Variants in MAN1A1 observed in about 807,000 individuals in gnomAD.
MAN1A1 encodes the protein mannosidase alpha class 1A member 1.
A neutral mutation model predicts 70.8 loss-of-function variants in MAN1A1; 29 were observed. The ratio of observed to expected loss-of-function variants is 0.41; its 90% confidence interval spans 0.31 to 0.56. The LOEUF (loss-of-function observed/expected upper bound fraction) is 0.56, where lower values mean the gene tolerates loss of function less well. Ranked by LOEUF, MAN1A1 falls within the 20% of genes least tolerant of loss-of-function variation. MAN1A1 has a pLI of 0.29. For missense variants in MAN1A1, 747 were observed against 841.3 expected, an observed-to-expected ratio of 0.89 and a Z score of 1.39; for synonymous variants, 349 against 330.1, an observed-to-expected ratio of 1.06 and a Z score of -0.62.
intron 5 of MAN1A1, among the ~76,000 whole-genome samples, chr6:119,274,847 A>G (rs1776012240): frequency 6.6e-6 from 1 of 152,222 alleles, no homozygotes; most frequent in Non-Finnish European, 1.5e-5. Context: ...TATTGATGAA[A>G]AGAGTCAGAG....
Position 119,191,132 on chromosome 6 carries a change from T to C in MAN1A1, c.1327-1249A>G, listed in dbSNP as rs116885160. ...ATAAATGAACATATTACTGTGCTCA[T>C]TAACCGTGGTTAAGCTAATGTTATT... On this transcript the variant is annotated intron_variant, in intron 9 of 12. Coordinates refer to ENST00000368468, the MANE Select transcript of MAN1A1 (RefSeq NM_005907.4). 7.4e-3 allele frequency among the ~76,000 whole-genome samples: 1,128 copies of C among 152,364 alleles called. 9 individuals carry two copies. Among genetic ancestry groups the C allele is most frequent in the Middle Eastern group, 0.027 (8 of 294 alleles).
At chr6:119,252,872 T>A (rs768060243) in intron 5 of MAN1A1, among the ~76,000 whole-genome samples, 3 of 151,974 alleles carry the variant, frequency 2.0e-5, no homozygotes, top group Non-Finnish European at 4.4e-5. Context: ...CCATGGGAAG[T>A]TGGTAATGAC....
chr6:119,296,129 TCA>T lies in MAN1A1; in HGVS notation c.817-5368_817-5367del, dbSNP rs1295929994. On this transcript the variant is annotated intron_variant, in intron 4 of 12. Transcript: ENST00000368468. ...CTTTAAACGATTAAATTGCAATATT[TCA>T]CAGTGTAAGTCAGTCTGTCACAGTG... Among the ~76,000 whole-genome samples, 16 of 152,336 alleles carry T rather than the reference TCA, an allele frequency of 1.1e-4. No homozygotes were observed. In the East Asian group the frequency reaches 1.9e-3, roughly 18 times the overall value.
intron 2 of MAN1A1, among the ~76,000 whole-genome samples, chr6:119,319,375 A>C (rs1198194783): frequency 6.7e-5 from 10 of 148,292 alleles, no homozygotes; most frequent in Non-Finnish European, 1.2e-4. Flanking sequence ...TAATAATAAT[A>C]ATAATAATAA....
intron 2 of MAN1A1, among the ~76,000 whole-genome samples, chr6:119,340,790 C>A (rs1399297156): frequency 2.6e-5 from 4 of 152,122 alleles, no homozygotes; most frequent in African/African-American, 9.7e-5. Flanking sequence ...TAATTAGTGA[C>A]CCACATAAAA....
At chr6:119,349,833 G>A (rs905074060), upstream of MAN1A1, 10 of 842,336 alleles carry the variant, frequency 1.2e-5, no homozygotes, top group Non-Finnish European at 1.3e-5. Context: ...GGCGCGGCCG[G>A]GCCAATCACG....
At chr6:119,342,655 G>A (rs1305116548) in intron 2 of MAN1A1, among the ~76,000 whole-genome samples, 3 of 152,222 alleles carry the variant, frequency 2.0e-5, no homozygotes, top group Non-Finnish European at 4.4e-5. Flanking sequence ...TCAGAGACAG[G>A]TAAGTGCATC....
chr6:119,181,903 G>A (rs548753904), intron 11 of MAN1A1, among the ~76,000 whole-genome samples: 1 of 152,198 alleles, frequency 6.6e-6, no homozygotes, highest in African/African-American at 2.4e-5. Context: ...CCAAGAATTA[G>A]GATTGCTGGA....
chr6:119,180,783 G>A (rs1773132763), intron 11 of MAN1A1, among the ~76,000 whole-genome samples: 1 of 151,862 alleles, frequency 6.6e-6, no homozygotes, highest in African/African-American at 2.4e-5. Context: ...CAAAGAGTTG[G>A]GATTACAGCC....
In MAN1A1 at chr6:119,194,400, T is replaced by TA. The variant is rs542461853; in HGVS notation, c.1211-509dup. On this transcript the variant is annotated intron_variant, in intron 8 of 12. Transcript: ENST00000368468. The stretch of plus-strand genomic sequence containing the variant: ...GTGCAGAGGCACGATGATAGCTCAC[T>TA]ATAACCTCGAACTCCCGAGCTCAAG... Among the ~76,000 whole-genome samples, 10 of 152,180 alleles carry TA rather than the reference T, an allele frequency of 6.6e-5. 1 individual carries two copies. The South Asian group carries it at 2.1e-3, about 32-fold the overall frequency.
chr6:119,269,554 A>T, intron 5 of MAN1A1: 1 of 197,586 alleles, frequency 5.1e-6, no homozygotes, highest in Non-Finnish European at 1.1e-5. Flanking sequence ...AAGGAAGGCC[A>T]GGTACTCCAA....
rs557841766 is a variant in MAN1A1 at position 119,223,372 on chromosome 6, A to C, written c.993-18490T>G. On this transcript the variant is annotated intron_variant, in intron 6 of 12. Transcript: ENST00000368468. ...AAATAATTCTTTTAGCAGAAACCAA[A>C]CACCACCAAATCTCATAAGTTTAAA... 3.9e-5 allele frequency among the ~76,000 whole-genome samples: 6 copies of C among 152,202 alleles called. No individual in the cohort carries two copies. The South Asian group carries it at 1.0e-3, about 26-fold the overall frequency.
chr6:119,294,610 A>C (rs936062829), intron 4 of MAN1A1, among the ~76,000 whole-genome samples: 17 of 152,128 alleles, frequency 1.1e-4, no homozygotes, highest in Admixed American at 1.1e-3. Flanking sequence ...CCCGTCTTTT[A>C]TTTAAATTCC....
chr6:119,240,251 A>G (rs897861527), intron 6 of MAN1A1, among the ~76,000 whole-genome samples: 2 of 152,230 alleles, frequency 1.3e-5, no homozygotes, highest in Admixed American at 6.5e-5. Context: ...TTCTCTACAC[A>G]TCACCTTGGA....
At chr6:119,193,587 G>A (rs3765248) in intron 9 of MAN1A1, among the ~76,000 whole-genome samples, 190 bp downstream of exon 9, 7,093 of 152,046 alleles carry the variant, frequency 0.047, 209 homozygotes, top group East Asian at 0.082. Flanking sequence ...AAACTTTAAC[G>A]GCCCTATTAG....
At chr6:119,270,969 A>C (rs1399897844) in intron 5 of MAN1A1, among the ~76,000 whole-genome samples, 1 of 152,210 alleles carries the variant, frequency 6.6e-6, no homozygotes, top group Non-Finnish European at 1.5e-5. Context: ...ACTTCTTAGC[A>C]TCTTCTTTCC....
intron 6 of MAN1A1, among the ~76,000 whole-genome samples, chr6:119,247,282 A>G (rs936329546): frequency 7.9e-5 from 12 of 152,222 alleles, no homozygotes; most frequent in African/African-American, 2.9e-4. Flanking sequence ...ATCTAAGTAC[A>G]TATTCTAGCT....
intron 5 of MAN1A1, among the ~76,000 whole-genome samples, chr6:119,258,962 A>G (rs1189407002): frequency 1.3e-5 from 2 of 152,146 alleles, no homozygotes; most frequent in Non-Finnish European, 2.9e-5. Flanking sequence ...ATCTTCCCAA[A>G]TCACAAGATG....
intron 5 of MAN1A1, among the ~76,000 whole-genome samples, chr6:119,251,204 G>A (rs543371825): frequency 6.1e-4 from 93 of 151,988 alleles, no homozygotes; most frequent in African/African-American, 1.9e-3. Flanking sequence ...CTGTATTTAC[G>A]TTACCAACTT....
Sources: allele counts gnomAD v4.1 joint callset (sites outside exome capture counted in the v4.1 genomes callset), GRCh38; gene constraint gnomAD v4.1.1; transcripts MANE v1.5; gene names NCBI Gene and HGNC (gene_info 2026-07-23, HGNC 2026-07-21).